SMIM24: variants seen among roughly 807,000 people sequenced by gnomAD.
The protein encoded by SMIM24 is MAP17-related dimer.
In SMIM24, 6 loss-of-function variants were observed where a neutral mutation model predicts 10.8. That is an observed-to-expected ratio of 0.55 (90% CI 0.30 to 1.09). The LOEUF (loss-of-function observed/expected upper bound fraction) is 1.09, where lower values mean the gene tolerates loss of function less well. SMIM24 is among the 50% of genes least tolerant of loss of function. SMIM24 has a pLI of 0.06. For synonymous variants in SMIM24, 71 were observed against 62.4 expected, an observed-to-expected ratio of 1.14 and a Z score of -0.65; for missense variants, 151 against 153.4, an observed-to-expected ratio of 0.98 and a Z score of 0.08.
intron 1 of SMIM24, chr19:3,479,134 A>T: frequency 4.0e-5 from 11 of 271,700 alleles, no homozygotes; most frequent in Middle Eastern, 8.8e-4. Flanking sequence ...CCAGAGTGGG[A>T]GGGAGCCTGG....
At chr19:3,478,368 C>T in intron 3 of SMIM24, 51 bp downstream of exon 3, 1 of 1,500,142 alleles carries the variant, frequency 6.7e-7, no homozygotes, top group Non-Finnish European at 9.0e-7. Context: ...ACCCATTCCC[C>T]CACCCCGAGG....
chr19:3,477,193 A>G (rs111164817), intron 3 of SMIM24, among the ~76,000 whole-genome samples: 1,368 of 114,792 alleles, frequency 0.012, 33 homozygotes, highest in African/African-American at 0.045. Flanking sequence ...GGGGTGGGTG[A>G]TGGATGGATG....
chr19:3,477,157 G>GTGGA (rs1328590611), intron 3 of SMIM24, among the ~76,000 whole-genome samples: 2 of 150,086 alleles, frequency 1.3e-5, no homozygotes, highest in Non-Finnish European at 3.0e-5. Flanking sequence ...TGGTGGGTGG[G>GTGGA]TGGATGGGTA....
At chr19:3,479,411 G>C (rs1318075112) in intron 1 of SMIM24, among the ~76,000 whole-genome samples, 2 of 148,760 alleles carry the variant, frequency 1.3e-5, no homozygotes, top group South Asian at 4.3e-4. Context: ...AGAGTCTGGG[G>C]GGTTGGGGCT....
intron 3 of SMIM24, among the ~76,000 whole-genome samples, chr19:3,477,851 GTGAGTGGGTGGA>G (rs1470652554): frequency 2.0e-5 from 3 of 151,898 alleles, no homozygotes; most frequent in South Asian, 2.1e-4. Flanking sequence ...GGATGAATGG[GTGAGTGGGTGGA>G]TGAGTGGGTG....
At position 3,478,865 on chromosome 19, in the gene SMIM24, G is replaced by T. The variant is rs1290631627; in HGVS notation, c.132C>A (p.Ile44=). 6.5e-7 allele frequency: 1 copy of T among 1,549,930 alleles called. No individual in the cohort carries two copies. Among genetic ancestry groups the T allele is most frequent in the Non-Finnish European group, 8.7e-7 (1 of 1,146,776 alleles). ...GLAAVVGFLF[I]VYLVLLANRL... ...GGTTGGCCAGCAAGACCAAATAGAC[G>T]ATGAACAGGAAGCCGACTACCGCAG... The change falls in exon 2 of 4, where the codon ATC becomes ATA. Residue 44 remains isoleucine, a synonymous_variant. Transcript: ENST00000215531.
At chr19:3,475,900 A>C (rs1246602664) in intron 3 of SMIM24, among the ~76,000 whole-genome samples, 1 of 151,702 alleles carries the variant, frequency 6.6e-6, no homozygotes, top group Admixed American at 6.6e-5. Flanking sequence ...GGATGAATGG[A>C]TGGATGGGTG....
chr19:3,475,929 TA>T (rs2082790470), intron 3 of SMIM24, among the ~76,000 whole-genome samples: 1 of 151,652 alleles, frequency 6.6e-6, no homozygotes, highest in African/African-American at 2.4e-5. Flanking sequence ...GATGAGTAGA[TA>T]AGTAGTTACA....
intron 3 of SMIM24, among the ~76,000 whole-genome samples, chr19:3,478,133 C>T (rs944869265): frequency 6.6e-6 from 1 of 152,112 alleles, no homozygotes; most frequent in Non-Finnish European, 1.5e-5. Flanking sequence ...TGGAAGGCAC[C>T]ACGTAATGTC....
chr19:3,478,512 G>A, intron 2 of SMIM24, 34 bp from the exon 3 acceptor site: 3 of 1,526,996 alleles, frequency 2.0e-6, no homozygotes, highest in Non-Finnish European at 1.8e-6. Flanking sequence ...GAAGGGGGCG[G>A]GAGAGGAGAA....
intron 3 of SMIM24, among the ~76,000 whole-genome samples, chr19:3,477,781 G>C (rs1323954897): frequency 6.8e-6 from 1 of 146,016 alleles, no homozygotes; most frequent in Non-Finnish European, 1.5e-5. Context: ...GAATGGGTGA[G>C]TGGGTGGATG....
rs1403112681 is a variant in SMIM24 at position 3,478,897 on chromosome 19, C to G, written c.100G>C (p.Gly34Arg). ...AGGAAGCCGACTACCGCAGCCAGGC[C>G]CACCAGCCACGGCTTCAGGCGATGC... ...TEHRLKPWLVGLAAVVGFLFI... is the reference protein window; with the variant it reads ...TEHRLKPWLVRLAAVVGFLFI... Residue 34 changes from glycine to arginine, a missense_variant, in exon 2 of 4, where the codon GGC (glycine) becomes CGC (arginine). Physicochemically the swap from Gly to Arg is moderately radical, Grantham distance 125 (BLOSUM62 -2). Coordinates refer to ENST00000215531, the MANE Select transcript of SMIM24 (RefSeq NM_001136503.2). The G allele has an allele frequency of 1.3e-6, 2 of 1,549,714 alleles. No individual in the cohort carries two copies. The highest frequency in any genetic ancestry group is 1.7e-6 in the Non-Finnish European group (2 of 1,146,758).
In SMIM24 at chr19:3,479,286, A is replaced by G. The variant is rs539824184; in HGVS notation, c.68-357T>C. 8.3e-5 allele frequency among the ~76,000 whole-genome samples: 11 copies of G among 132,360 alleles called. No homozygotes were observed. The East Asian group carries it at 2.4e-3, about 29-fold the overall frequency. The allele number at this position is 132,360 out of a possible 152,430, so 86.8% of individuals were successfully genotyped here. On this transcript the variant is annotated intron_variant, in intron 1 of 3. Coordinates refer to ENST00000215531, the MANE Select transcript of SMIM24 (RefSeq NM_001136503.2). ...GGGGCTTATAAAGGCGGACCTCAGA[A>G]GGGCGGGGCTTATGACAAAGGAGTG...
At chr19:3,478,584 C>A in intron 2 of SMIM24, 106 bp from the exon 3 acceptor site, 3 of 1,134,188 alleles carry the variant, frequency 2.6e-6, no homozygotes, top group South Asian at 3.1e-5. Flanking sequence ...ACCTCCCAGC[C>A]GGGGCTCATG....
At chr19:3,479,249 G>T (rs980711452) in intron 1 of SMIM24, among the ~76,000 whole-genome samples, 2 of 151,248 alleles carry the variant, frequency 1.3e-5, no homozygotes, top group African/African-American at 2.4e-5. Context: ...TGCAGGCAGA[G>T]GCTCAGGGGG....
chr19:3,480,367 CGA>C, intron 1 of SMIM24, 28 bp downstream of exon 1: 5 of 1,479,098 alleles, frequency 3.4e-6, no homozygotes, highest in Non-Finnish European at 3.6e-6. Context: ...CCCTATCCCG[CGA>C]CGCCCCCTCC....
intron 1 of SMIM24, among the ~76,000 whole-genome samples, chr19:3,480,071 C>T (rs1232845120): frequency 2.2e-5 from 3 of 134,622 alleles, no homozygotes; most frequent in Non-Finnish European, 4.8e-5. Flanking sequence ...ACAAAAGAGG[C>T]GGGGACTCAG....
At position 3,474,498 on chromosome 19, in the gene SMIM24, T is replaced by C. The variant is rs756879689; in HGVS notation, c.*345A>G. 1 of 285,798 alleles carries C rather than the reference T, an allele frequency of 3.5e-6. No homozygotes were observed. The highest frequency in any genetic ancestry group is 6.6e-6 in the Non-Finnish European group (1 of 152,142). The allele number at this position is 285,798 out of a possible 1,614,324, so 17.7% of individuals were successfully genotyped here. The stretch of plus-strand genomic sequence containing the variant: ...ATGGGAGAGGGGAAGTTCTGTTCAG[T>C]AGACATCAGGCAGAGAGAAAAGAAA... On this transcript the variant is annotated 3_prime_UTR_variant, in exon 4 of 4. Coordinates refer to ENST00000215531, the MANE Select transcript of SMIM24 (RefSeq NM_001136503.2).
At chr19:3,475,645 G>C (rs1195789297) in intron 3 of SMIM24, among the ~76,000 whole-genome samples, 2 of 149,274 alleles carry the variant, frequency 1.3e-5, no homozygotes, top group African/African-American at 2.5e-5. Flanking sequence ...ATGGTAGGTG[G>C]ATAGGTGATG....
Sources: allele counts gnomAD v4.1 joint callset (sites outside exome capture counted in the v4.1 genomes callset), GRCh38; gene constraint gnomAD v4.1.1; transcripts MANE v1.5; gene names NCBI Gene and HGNC (gene_info 2026-07-23, HGNC 2026-07-21).